SUMF1: variants seen among roughly 807,000 people sequenced by gnomAD.
The protein encoded by SUMF1 is sulfatase modifying factor 1.
SUMF1 carries 48 observed loss-of-function variants against 47.6 expected under a neutral mutation model. The ratio of observed to expected loss-of-function variants is 1.01; its 90% CI spans 0.80 to 1.28. The LOEUF (loss-of-function observed/expected upper bound fraction) is 1.28, where lower values mean the gene tolerates loss of function less well. SUMF1 is among the 50% of genes most tolerant of loss of function. The pLI is 0.00. For missense variants in SUMF1, 571 were observed against 485.4 expected (o/e 1.18, Z -1.66); for synonymous variants, 230 against 192.1 (o/e 1.20, Z -1.63).
At position 4,467,124 on chromosome 3, in the gene SUMF1, G is replaced by C. The variant is rs748192389; in HGVS notation, c.122C>G (p.Ala41Gly). The change falls in exon 1 of 9, where the codon GCG (alanine) becomes GGG (glycine). Residue 41 changes from alanine to glycine, a missense_variant. Coordinates refer to ENST00000272902, the MANE Select transcript of SUMF1 (RefSeq NM_182760.4). ...AAGSQEAGTG[A>G]GAGSLAGSCG... is the part of the protein sequence containing the mutation. ...AGAACCCGCAAGGGACCCCGCGCCC[G>C]CACCGGTCCCGGCCTCCTGGCTCCC... 6 of 1,561,884 alleles carry C rather than the reference G, an allele frequency of 3.8e-6. No homozygotes were observed. Among genetic ancestry groups the C allele is most frequent in the Non-Finnish European group, 5.2e-6 (6 of 1,154,510 alleles).
chr3:4,131,184 G>T (rs1004258472), intron 8 of SUMF1, among the ~76,000 whole-genome samples: 2 of 152,152 alleles, frequency 1.3e-5, no homozygotes, highest in African/African-American at 4.8e-5. Flanking sequence ...ATCTAGCCAT[G>T]AAGTGTGTCA....
At chr3:4,363,249 A>T (rs1175227159) in intron 8 of SUMF1, among the ~76,000 whole-genome samples, 1 of 152,224 alleles carries the variant, frequency 6.6e-6, no homozygotes, top group Non-Finnish European at 1.5e-5. Flanking sequence ...TATTATCTAA[A>T]TCATATTTAT....
chr3:4,269,385 A>C lies in SUMF1; in HGVS notation c.1014+106945T>G, dbSNP rs1455521869. ...TGTTTGCGCTTCATAATTCACTATTAGCAACACAAACTTACCAAAGGCCTA... is the reference window on the plus strand; with the variant it reads ...TGTTTGCGCTTCATAATTCACTATTCGCAACACAAACTTACCAAAGGCCTA... On this transcript the variant is annotated intron_variant and NMD_transcript_variant, in intron 8 of 12. Transcript: ENST00000448413. 2.0e-5 allele frequency among the ~76,000 whole-genome samples: 3 copies of C among 152,224 alleles called. No homozygotes were observed. The East Asian group carries it at 5.8e-4, about 29-fold the overall frequency.
At chr3:4,280,531 G>A (rs1697506777) in intron 8 of SUMF1, among the ~76,000 whole-genome samples, 1 of 152,010 alleles carries the variant, frequency 6.6e-6, no homozygotes, top group Non-Finnish European at 1.5e-5. Flanking sequence ...CCTTATGTGA[G>A]AGGAAGGCTT....
chr3:4,041,245 T>G (rs317582), intron 9 of SUMF1, among the ~76,000 whole-genome samples: 149,979 of 152,144 alleles, frequency 0.99, 73,961 homozygotes, highest in Middle Eastern at 1. Flanking sequence ...GTAATTTTTG[T>G]ATTTTTACTA....
chr3:4,452,180 GT>G (rs1463291320), intron 2 of SUMF1, among the ~76,000 whole-genome samples: 1 of 150,886 alleles, frequency 6.6e-6, no homozygotes, highest in East Asian at 1.9e-4. Context: ...AAGAGTAAAG[GT>G]TTTTCGTGAG....
At chr3:4,459,906 A>G (rs867262091) in intron 1 of SUMF1, among the ~76,000 whole-genome samples, 1 of 152,204 alleles carries the variant, frequency 6.6e-6, no homozygotes, top group South Asian at 2.1e-4. Context: ...AGTCTACTGT[A>G]CCCAATGCAA....
At chr3:4,413,661 T>C (rs1383845802) in intron 6 of SUMF1, among the ~76,000 whole-genome samples, 8 of 152,062 alleles carry the variant, frequency 5.3e-5, no homozygotes, top group Middle Eastern at 3.4e-3. Flanking sequence ...AAATTAATCA[T>C]TGTGTAACAA....
intron 8 of SUMF1, among the ~76,000 whole-genome samples, chr3:4,119,200 A>C (rs1397547442): frequency 6.6e-6 from 1 of 152,128 alleles, no homozygotes; most frequent in Non-Finnish European, 1.5e-5. Context: ...CTCTCCGCCT[A>C]CATTGTCACT....
chr3:4,443,068 G>A (rs558428170), intron 3 of SUMF1, among the ~76,000 whole-genome samples: 1 of 152,028 alleles, frequency 6.6e-6, no homozygotes, highest in East Asian at 2.0e-4. Flanking sequence ...CTGAACTCAG[G>A]AGATCGAGAC....
At chr3:4,308,188 A>G (rs2125083144) in intron 8 of SUMF1, among the ~76,000 whole-genome samples, 1 of 152,332 alleles carries the variant, frequency 6.6e-6, no homozygotes, top group East Asian at 1.9e-4. Flanking sequence ...GAAGTAATGG[A>G]GGAAAGGTAT....
At chr3:4,312,875 T>TA in intron 8 of SUMF1, 2 of 1,588,800 alleles carry the variant, frequency 1.3e-6, no homozygotes, top group Non-Finnish European at 1.7e-6. Flanking sequence ...CGTGCTGACT[T>TA]ACAGTGTGTA....
At position 4,460,531 on chromosome 3, in the gene SUMF1, AG is replaced by A. The variant is rs2079782401; in HGVS notation, c.270+6444del. On this transcript the variant is annotated intron_variant, in intron 1 of 8. Coordinates refer to ENST00000272902, the MANE Select transcript of SUMF1 (RefSeq NM_182760.4). ...TCTTGGTAAATATTGTCATGGTTCAAGGATCAGCTCCTCCAGGAGGCCTTTC... is the reference window on the plus strand; with the variant it reads ...TCTTGGTAAATATTGTCATGGTTCAAGATCAGCTCCTCCAGGAGGCCTTTC... Among the ~76,000 whole-genome samples, 5 of 151,722 alleles carry A rather than the reference AG, an allele frequency of 3.3e-5. No individual in the cohort carries two copies. In the South Asian group the frequency reaches 1.0e-3, roughly 32 times the overall value.
Position 4,378,903 on chromosome 3 carries a change from A to G in SUMF1, c.955-2514T>C, listed in dbSNP as rs1347471663. 3.3e-5 allele frequency among the ~76,000 whole-genome samples: 5 copies of G among 152,224 alleles called. No homozygotes were observed. The East Asian group carries it at 9.6e-4, about 29-fold the overall frequency. ...GGAACAAGAAGGAGTTGATTTGCCAATGGGAAGGCATGGGAACAAAATAGT... is the reference window on the plus strand; with the variant it reads ...GGAACAAGAAGGAGTTGATTTGCCAGTGGGAAGGCATGGGAACAAAATAGT... On this transcript the variant is annotated intron_variant, in intron 7 of 8. Coordinates refer to ENST00000272902, the MANE Select transcript of SUMF1 (RefSeq NM_182760.4).
intron 3 of SUMF1, among the ~76,000 whole-genome samples, chr3:4,424,961 G>A (rs906096787): frequency 6.6e-6 from 1 of 152,182 alleles, no homozygotes; most frequent in Non-Finnish European, 1.5e-5. Flanking sequence ...ATTGCAGGAT[G>A]TTTAGCAGTG....
At chr3:4,451,054 G>A (rs1174142911) in intron 2 of SUMF1, among the ~76,000 whole-genome samples, 4 of 151,256 alleles carry the variant, frequency 2.6e-5, no homozygotes, top group Non-Finnish European at 5.9e-5. Flanking sequence ...CCCCTTCTCA[G>A]AATAAAATGT....
intron 8 of SUMF1, among the ~76,000 whole-genome samples, chr3:4,286,349 C>T (rs1045287375): frequency 2.0e-5 from 3 of 151,934 alleles, no homozygotes; most frequent in South Asian, 2.1e-4. Flanking sequence ...AAGCAAAAAC[C>T]GTATTAACAA....
intron 8 of SUMF1, chr3:4,303,393 C>A: frequency 1.3e-6 from 2 of 1,559,070 alleles, no homozygotes; most frequent in Non-Finnish European, 1.7e-6. Context: ...GCGGCAAAGA[C>A]GACACGGCCT....
chr3:4,465,620 T>C (rs1039388302), intron 1 of SUMF1, among the ~76,000 whole-genome samples: 1 of 151,904 alleles, frequency 6.6e-6, no homozygotes, highest in Non-Finnish European at 1.5e-5. Flanking sequence ...TAAACAGTAC[T>C]GCAGGACATG....
Sources: allele counts gnomAD v4.1 joint callset (sites outside exome capture counted in the v4.1 genomes callset), GRCh38; gene constraint gnomAD v4.1.1; transcripts MANE v1.5; gene names NCBI Gene and HGNC (gene_info 2026-07-23, HGNC 2026-07-21).